KCTD10: variants seen among roughly 807,000 people sequenced by gnomAD.
The protein encoded by KCTD10 is potassium channel tetramerization domain containing 10.
A neutral mutation model predicts 34.6 loss-of-function variants in KCTD10; 13 were observed. That is an observed-to-expected ratio of 0.38 (90% CI 0.24 to 0.60). The LOEUF is 0.60. Among genes scored for constraint, KCTD10 ranks in the 20% least tolerant of loss-of-function variants. The pLI is 0.66. For synonymous variants in KCTD10, 156 were observed against 168.8 expected (o/e 0.92, Z 0.59); for missense variants, 256 against 420.3 (o/e 0.61, Z 3.42).
At chr12:109,457,826 T>A (rs1375678152) in intron 4 of KCTD10, 144 bp from the exon 5 acceptor site, 1 of 1,039,146 alleles carries the variant, frequency 9.6e-7, no homozygotes, top group Admixed American at 1.8e-5. Context: ...GGGGACCACA[T>A]GACCCAATAG....
intron 5 of KCTD10, chr12:109,456,570 A>G (rs552816162): frequency 4.0e-6 from 2 of 497,468 alleles, no homozygotes; most frequent in African/African-American, 3.9e-5. Flanking sequence ...CTGGCCCCTA[A>G]GCCTGAGTGC....
rs1872637351 is a variant in KCTD10 at position 109,449,258 on chromosome 12, C to T, written c.*2337G>A. 6.6e-6 allele frequency: 1 copy of T among 152,234 alleles called. No individual in the cohort carries two copies. The highest frequency in any genetic ancestry group is 1.5e-5 in the Non-Finnish European group (1 of 68,044). The allele number at this position is 152,234 out of a possible 1,614,324, so 9.4% of individuals were successfully genotyped here. Reference sequence around the variant, plus strand: ...TCACTCATGGCTATAATGCAGCCGACAGAATTGTTCACCATGGAATGTTTT... The same window carrying T: ...TCACTCATGGCTATAATGCAGCCGATAGAATTGTTCACCATGGAATGTTTT... On this transcript the variant is annotated 3_prime_UTR_variant, in exon 7 of 7. Transcript: ENST00000228495.
intron 1 of KCTD10, among the ~76,000 whole-genome samples, chr12:109,471,865 G>C (rs1345803910): frequency 1.3e-5 from 2 of 152,092 alleles, no homozygotes; most frequent in Admixed American, 1.3e-4. Context: ...TGCCTATCAT[G>C]AAACAGACAA....
chr12:109,475,351 C>A (rs1008489816), intron 1 of KCTD10, among the ~76,000 whole-genome samples: 1 of 152,150 alleles, frequency 6.6e-6, no homozygotes. Flanking sequence ...GTGGCACACA[C>A]CTGTAGTCCC....
At chr12:109,476,911 T>C (rs1046629891) in intron 1 of KCTD10, among the ~76,000 whole-genome samples, 13 of 152,210 alleles carry the variant, frequency 8.5e-5, no homozygotes, top group African/African-American at 2.4e-4. Context: ...TCAATTGATA[T>C]CTCTTTGTTC....
chr12:109,455,769 A>G (rs1240385744), intron 6 of KCTD10, among the ~76,000 whole-genome samples: 1 of 152,258 alleles, frequency 6.6e-6, no homozygotes, highest in East Asian at 1.9e-4. Flanking sequence ...AGCACTATGC[A>G]GAGCAATCCA....
intron 4 of KCTD10, 38 bp downstream of exon 4, chr12:109,457,954 G>A: frequency 6.7e-7 from 1 of 1,496,654 alleles, no homozygotes; most frequent in African/African-American, 1.4e-5. Context: ...ATCATTTCTG[G>A]TAGCAAAAGA....
chr12:109,452,817 G>A (rs993864096), intron 6 of KCTD10, among the ~76,000 whole-genome samples: 1 of 148,798 alleles, frequency 6.7e-6, no homozygotes. Context: ...CAGGCAGAGA[G>A]GCTGGGAGGA....
At chr12:109,464,609 C>G (rs527422624) in intron 2 of KCTD10, among the ~76,000 whole-genome samples, 14 of 152,254 alleles carry the variant, frequency 9.2e-5, no homozygotes, top group Admixed American at 7.2e-4. Flanking sequence ...CCCAAAGAAA[C>G]AGGATCCAGT....
chr12:109,470,243 G>T lies in KCTD10; in HGVS notation c.4-515C>A, dbSNP rs145608794. On this transcript the variant is annotated intron_variant, in intron 1 of 6. Coordinates refer to ENST00000228495, the MANE Select transcript of KCTD10 (RefSeq NM_031954.5). ...GTCATTTTTCAGCTGCATCACAGATGAAATAAGCTTTATGAAGTTGAATGG... is the reference window on the plus strand; with the variant it reads ...GTCATTTTTCAGCTGCATCACAGATTAAATAAGCTTTATGAAGTTGAATGG... The T allele has an allele frequency of 2.1e-4, 210 of 986,248 alleles. 1 individual carries two copies. The African/African-American group carries it at 3.5e-3, about 16-fold the overall frequency. The allele number at this position is 986,248 out of a possible 1,614,324, so 61.1% of individuals were successfully genotyped here. A position where few individuals can be genotyped will look rare whatever the true frequency, so the allele number is the denominator to read the frequency against.
chr12:109,460,492 G>A lies in KCTD10; in HGVS notation c.387+144C>T, dbSNP rs1300765564. 2 of 849,438 alleles carry A rather than the reference G, an allele frequency of 2.4e-6. No individual in the cohort carries two copies. The highest frequency in any genetic ancestry group is 3.6e-6 in the Non-Finnish European group (2 of 553,720). The allele number at this position is 849,438 out of a possible 1,614,324, so 52.6% of individuals were successfully genotyped here. A position where few individuals can be genotyped will look rare whatever the true frequency, so the allele number is the denominator to read the frequency against. ...CTCTCAGGGGTCACTCCAACCGAAG[G>A]AATCGGGCTCCAGGGCAAACTCATT... is the stretch of plus-strand genomic sequence containing the variant. On this transcript the variant is annotated intron_variant, in intron 3 of 6. Coordinates refer to ENST00000228495, the MANE Select transcript of KCTD10 (RefSeq NM_031954.5). This position sits in a 1 kb window ranked among gnomAD's most constrained non-coding sequence, Gnocchi z 4.5.
chr12:109,467,855 C>T (rs536647900), intron 2 of KCTD10, among the ~76,000 whole-genome samples: 46 of 152,080 alleles, frequency 3.0e-4, no homozygotes, highest in African/African-American at 1.0e-3. Flanking sequence ...TCTGTCCAGT[C>T]GGGGACAGGG....
Position 109,451,529 on chromosome 12 carries a change from G to A in KCTD10, c.*66C>T. The A allele has an allele frequency of 2.0e-6, 3 of 1,477,274 alleles. No individual in the cohort carries two copies. The highest frequency in any genetic ancestry group is 1.8e-6 in the Non-Finnish European group (2 of 1,085,732). The allele number at this position is 1,477,274 out of a possible 1,614,324, so 91.5% of individuals were successfully genotyped here. Reference sequence around the variant, plus strand: ...CAGAAGGGGCCCGGCAGCCTGCACAGGATCTGGGTGTAGCACGGCAGGGAG... The same window carrying A: ...CAGAAGGGGCCCGGCAGCCTGCACAAGATCTGGGTGTAGCACGGCAGGGAG... On this transcript the variant is annotated 3_prime_UTR_variant, in exon 7 of 7. Transcript: ENST00000228495. The surrounding 1 kb of genome is among the most constrained non-coding windows in gnomAD (Gnocchi z 5.0).
chr12:109,477,054 C>T (rs1371827379), intron 1 of KCTD10, among the ~76,000 whole-genome samples: 1 of 151,968 alleles, frequency 6.6e-6, no homozygotes, highest in Non-Finnish European at 1.5e-5. Flanking sequence ...CAGGGAGCCT[C>T]CCTACCACCA....
In KCTD10 at chr12:109,460,793, A is replaced by T; in HGVS notation, c.230T>A (p.Ile77Asn). Reference sequence around the variant, plus strand: ...ACCAAAGTGCTTCCCACAGCGGTCAATGAGGATCCAGCCTGCAGAGGGAGG... The same window carrying T: ...ACCAAAGTGCTTCCCACAGCGGTCATTGAGGATCCAGCCTGCAGAGGGAGG... ...VLTDSEGWILIDRCGKHFGTI... is the reference protein window; with the variant it reads ...VLTDSEGWILNDRCGKHFGTI... Residue 77 changes from isoleucine to asparagine, a missense_variant, in exon 3 of 7, where the codon ATT becomes AAT. Physicochemically the swap from Ile to Asn is moderately radical, Grantham distance 149. Around this residue, in one of 3 missense-constraint regions of KCTD10, gnomAD observed 155 missense variants for 207.0 expected, o/e 0.75. Coordinates refer to ENST00000228495, the MANE Select transcript of KCTD10 (RefSeq NM_031954.5). The surrounding 1 kb of genome is among the most constrained non-coding windows in gnomAD (Gnocchi z 4.5). 6.2e-7 allele frequency: 1 copy of T among 1,614,040 alleles called. No individual in the cohort carries two copies. The highest frequency in any genetic ancestry group is 8.5e-7 in the Non-Finnish European group (1 of 1,179,926).
Position 109,449,925 on chromosome 12 carries a change from G to A in KCTD10, c.*1670C>T, listed in dbSNP as rs995935062. 1.0e-5 allele frequency: 2 copies of A among 198,430 alleles called. No individual in the cohort carries two copies. Among genetic ancestry groups the A allele is most frequent in the East Asian group, 1.1e-4 (1 of 8,944 alleles). The allele number at this position is 198,430 out of a possible 1,614,324, so 12.3% of individuals were successfully genotyped here. The stretch of plus-strand genomic sequence containing the variant: ...GGCCTAATATAAAAGTTTCTCACAC[G>A]ACAGTTTAAAAAGCATCTGCCCAAT... On this transcript the variant is annotated 3_prime_UTR_variant, in exon 7 of 7. Transcript: ENST00000228495.
At position 109,456,186 on chromosome 12, in the gene KCTD10, G is replaced by C; in HGVS notation, c.655C>G (p.Gln219Glu). The C allele has an allele frequency of 6.2e-7, 1 of 1,614,142 alleles. No homozygotes were observed. The highest frequency in any genetic ancestry group is 1.1e-5 in the South Asian group (1 of 91,080). ...CAGACTTCAGCAATCTTCCGGCCCT[G>C]ACCATAAAAGGACCAGCAGCAGATT... is the stretch of plus-strand genomic sequence containing the variant. ...DEICCWSFYGQGRKIAEVCCT... is the reference protein window; with the variant it reads ...DEICCWSFYGEGRKIAEVCCT... Residue 219 changes from glutamine (Q) to glutamate (E), a missense_variant, in exon 6 of 7, where the codon CAG becomes GAG. By Grantham distance (29) the Gln-to-Glu change is conservative. Coordinates refer to ENST00000228495, the MANE Select transcript of KCTD10 (RefSeq NM_031954.5).
chr12:109,468,654 T>G (rs1188626289), intron 2 of KCTD10, among the ~76,000 whole-genome samples: 2 of 44,422 alleles, frequency 4.5e-5, no homozygotes, highest in Admixed American at 1.8e-4. Flanking sequence ...ATTCTTTGCC[T>G]TTTTTTTTTT....
intron 6 of KCTD10, 70 bp downstream of exon 6, chr12:109,456,048 A>G: frequency 7.0e-7 from 1 of 1,422,688 alleles, no homozygotes; most frequent in East Asian, 2.3e-5. Flanking sequence ...TATTGGGCTC[A>G]AGTGAAAGGA....
Sources: allele counts gnomAD v4.1 joint callset (sites outside exome capture counted in the v4.1 genomes callset), GRCh38; gene constraint gnomAD v4.1.1; regional missense constraint gnomAD v4.1.1; non-coding constraint Gnocchi (gnomAD v3.1); transcripts MANE v1.5; gene names NCBI Gene and HGNC (gene_info 2026-07-23, HGNC 2026-07-21).